The following CHRNA3 variants were observed in gnomAD, a reference collection of about 807,000 sequenced individuals.
CHRNA3 encodes the protein cholinergic receptor nicotinic alpha 3 subunit.
In CHRNA3, 34 loss-of-function variants were observed where a neutral mutation model predicts 41.9. The ratio of observed to expected loss-of-function variants is 0.81; its 90% CI spans 0.62 to 1.08. The LOEUF (loss-of-function observed/expected upper bound fraction) is 1.08. Among genes scored for constraint, CHRNA3 ranks in the 50% least tolerant of loss-of-function variants. The pLI, the probability that CHRNA3 is intolerant of heterozygous loss-of-function variation, is 0.00. For synonymous variants in CHRNA3, 281 were observed against 265.2 expected (o/e 1.06, Z -0.58); for missense variants, 542 against 638.3 (o/e 0.85, Z 1.63).
intron 3 of CHRNA3, 161 bp downstream of exon 3, chr15:78,618,456 G>A (rs1163245665): frequency 2.5e-5 from 19 of 749,364 alleles, no homozygotes; most frequent in Non-Finnish European, 4.2e-5. Flanking sequence ...CAGTGCATGT[G>A]ACCTCAAGCC....
chr15:78,618,506 G>T, intron 3 of CHRNA3, 111 bp downstream of exon 3: 1 of 1,255,868 alleles, frequency 8.0e-7, no homozygotes, highest in Non-Finnish European at 1.2e-6. Context: ...ACCCCAATCT[G>T]GGTTCCACAG....
chr15:78,606,321 CAGA>C (rs1343078422), intron 4 of CHRNA3, among the ~76,000 whole-genome samples: 4 of 95,136 alleles, frequency 4.2e-5, no homozygotes, highest in Non-Finnish European at 8.6e-5. Context: ...AGCAAAAAAA[CAGA>C]AGATGTCTCA....
chr15:78,620,797 C>A lies in CHRNA3; in HGVS notation c.-3G>T. 1 of 1,435,198 alleles carries A rather than the reference C, an allele frequency of 7.0e-7. No individual in the cohort carries two copies. Among genetic ancestry groups the A allele is most frequent in the Non-Finnish European group, 9.1e-7 (1 of 1,101,850 alleles). The allele number at this position is 1,435,198 out of a possible 1,614,324, so 88.9% of individuals were successfully genotyped here. Reference sequence around the variant, plus strand: ...AGCGAGAGCGGGCCAGAGCCCATGGCTGGTGGCCGGGCTGGCCGCGGACCC... The same window carrying A: ...AGCGAGAGCGGGCCAGAGCCCATGGATGGTGGCCGGGCTGGCCGCGGACCC... On this transcript the variant is annotated 5_prime_UTR_variant, in exon 1 of 6. Transcript: ENST00000326828.
intron 4 of CHRNA3, among the ~76,000 whole-genome samples, chr15:78,606,506 AAAGAT>A (rs1386850570): frequency 1.3e-5 from 2 of 152,286 alleles, no homozygotes; most frequent in African/African-American, 2.4e-5. Context: ...AGAAATCAGA[AAAGAT>A]AAGGGATAAT....
chr15:78,618,566 A>G (rs1356572547), intron 3 of CHRNA3, 51 bp downstream of exon 3: 1 of 1,610,382 alleles, frequency 6.2e-7, no homozygotes. Flanking sequence ...CCTAAAGCAA[A>G]TAAAACAGTC....
At chr15:78,599,416 AACTGGGAAGGTGTGGCCAGAG>A (rs2053162123) in intron 5 of CHRNA3, among the ~76,000 whole-genome samples, 1 of 152,078 alleles carries the variant, frequency 6.6e-6, no homozygotes, top group Non-Finnish European at 1.5e-5. Context: ...AAGACCCAGA[AACTGGGAAGGTGTGGCCAGAG>A]ACTGGGGCTG....
chr15:78,602,018 G>A lies in CHRNA3; in HGVS notation c.624C>T (p.Ala208=), dbSNP rs1485291314. Residue 208 remains alanine (A), a synonymous_variant, in exon 5 of 6, where the codon GCC becomes GCT. Coordinates refer to ENST00000326828, the MANE Select transcript of CHRNA3 (RefSeq NM_000743.5). ...GTTTGTAGCCTGGGGCTTTGATGAT[G>A]GCCCACTCGCCGCTCTCCCAATAGT... is the stretch of plus-strand genomic sequence containing the variant. ...LKDYWESGEW[A]IIKAPGYKHD... 6.2e-7 allele frequency: 1 copy of A among 1,613,438 alleles called. No individual in the cohort carries two copies. The highest frequency in any genetic ancestry group is 8.5e-7 in the Non-Finnish European group (1 of 1,179,478).
chr15:78,620,336 G>A (rs2053529843), intron 1 of CHRNA3: 2 of 209,910 alleles, frequency 9.5e-6, no homozygotes, highest in Admixed American at 6.6e-5. Flanking sequence ...ACGGTGGAGC[G>A]GGAGGCTTGG....
At chr15:78,613,274 T>C (rs2053408758) in intron 4 of CHRNA3, among the ~76,000 whole-genome samples, 1 of 152,172 alleles carries the variant, frequency 6.6e-6, no homozygotes, top group South Asian at 2.1e-4. Context: ...TGCACACGTA[T>C]GTTTATTGCG....
At chr15:78,600,428 G>T (rs1404216166) in intron 5 of CHRNA3, among the ~76,000 whole-genome samples, 1 of 152,142 alleles carries the variant, frequency 6.6e-6, no homozygotes, top group African/African-American at 2.4e-5. Context: ...AGGGCATTGG[G>T]GAACTTTCTA....
chr15:78,607,900 A>C (rs1372348932), intron 4 of CHRNA3, among the ~76,000 whole-genome samples: 1 of 152,144 alleles, frequency 6.6e-6, no homozygotes, highest in African/African-American at 2.4e-5. Flanking sequence ...GGGCTTAAAA[A>C]ACGGCACACC....
Position 78,601,249 on chromosome 15 carries a change from T to A in CHRNA3, c.1389+4A>T. The A allele has an allele frequency of 6.2e-7, 1 of 1,611,712 alleles. No individual in the cohort carries two copies. Among genetic ancestry groups the A allele is most frequent in the Non-Finnish European group, 8.5e-7 (1 of 1,178,442 alleles). ...GACCAATGTAATAAAAGCCATATCC[T>A]TACCTCTTTGGCTTCATTTTGTGCT... On this transcript the variant is annotated splice_donor_region_variant and intron_variant, in intron 5 of 5. Coordinates refer to ENST00000326828, the MANE Select transcript of CHRNA3 (RefSeq NM_000743.5).
chr15:78,615,294 G>A (rs1221190597), intron 4 of CHRNA3, among the ~76,000 whole-genome samples: 1 of 152,206 alleles, frequency 6.6e-6, no homozygotes, highest in Non-Finnish European at 1.5e-5. Flanking sequence ...CAGGGTAACT[G>A]TCTGATGGCA....
At chr15:78,603,497 G>T (rs367599053) in intron 4 of CHRNA3, among the ~76,000 whole-genome samples, 1 of 152,196 alleles carries the variant, frequency 6.6e-6, no homozygotes, top group Admixed American at 6.5e-5. Flanking sequence ...ACATTCCTCG[G>T]ATCAGCCCTG....
chr15:78,618,322 C>T (rs1243796518), intron 3 of CHRNA3: 1 of 373,870 alleles, frequency 2.7e-6, no homozygotes, highest in Non-Finnish European at 4.9e-6. Context: ...GGGGGCAGGG[C>T]TTCAATCTCA....
Position 78,596,265 on chromosome 15 carries a change from T to TG in CHRNA3, c.*338_*339insC. ...GTAGTGATAACTGAATGACTTTTCA[T>TG]ATTTCTGAACAGCATTTTTCTATCC... On this transcript the variant is annotated 3_prime_UTR_variant, in exon 6 of 6. Transcript: ENST00000326828. The TG allele has an allele frequency of 1.0e-6, 1 of 994,684 alleles. No homozygotes were observed. Among genetic ancestry groups the TG allele is most frequent in the Non-Finnish European group, 1.2e-6 (1 of 836,174 alleles). 61.6% of individuals were successfully genotyped at this position (994,684 alleles called of 1,614,324 possible). A position where few individuals can be genotyped will look rare whatever the true frequency, so the allele number is the denominator to read the frequency against.
intron 4 of CHRNA3, among the ~76,000 whole-genome samples, chr15:78,608,788 A>G (rs1410647215): frequency 6.6e-6 from 1 of 152,106 alleles, no homozygotes; most frequent in African/African-American, 2.4e-5. Flanking sequence ...ACTCCAAGCT[A>G]CAGGAGGAAA....
At chr15:78,594,039 CAAAT>C (rs1483928781), downstream of CHRNA3, 1 of 152,098 alleles carries the variant, frequency 6.6e-6, no homozygotes. Flanking sequence ...AACTCAGTCT[CAAAT>C]AATAATAATA....
At chr15:78,608,033 C>G (rs2053322760) in intron 4 of CHRNA3, among the ~76,000 whole-genome samples, 1 of 152,212 alleles carries the variant, frequency 6.6e-6, no homozygotes, top group African/African-American at 2.4e-5. Flanking sequence ...GGGCGCCTGC[C>G]ATTGCCCAGC....
Sources: allele counts gnomAD v4.1 joint callset (sites outside exome capture counted in the v4.1 genomes callset), GRCh38; gene constraint gnomAD v4.1.1; transcripts MANE v1.5; gene names NCBI Gene and HGNC (gene_info 2026-07-23, HGNC 2026-07-21).